The following ETFA variants were observed in gnomAD, a reference collection of about 807,000 sequenced individuals.
The protein encoded by ETFA is electron transfer flavoprotein subunit alpha, also known as electron transfer flavoprotein subunit alpha, mitochondrial.
ETFA carries 22 observed loss-of-function variants against 46.2 expected under a neutral mutation model. That is an observed-to-expected ratio of 0.48 (90% confidence interval 0.34 to 0.68). ETFA has a LOEUF of 0.68. Ranked by LOEUF, ETFA falls within the 30% of genes least tolerant of loss-of-function variation. The pLI is 0.01. For synonymous variants in ETFA, 131 were observed against 139.9 expected (o/e 0.94, Z 0.45); for missense variants, 345 against 401.1 (o/e 0.86, Z 1.19).
chr15:76,291,618 C>T (rs1166972531), intron 4 of ETFA, among the ~76,000 whole-genome samples: 1 of 151,610 alleles, frequency 6.6e-6, no homozygotes, highest in Non-Finnish European at 1.5e-5. Context: ...GGCGAGCTGG[C>T]GGGCGCCTGT....
Position 76,274,401 on chromosome 15 carries a change from G to A in ETFA, c.816+11C>T. The A allele has an allele frequency of 6.3e-7, 1 of 1,586,812 alleles. No individual in the cohort carries two copies. The highest frequency in any genetic ancestry group is 8.6e-7 in the Non-Finnish European group (1 of 1,158,894). Reference sequence around the variant, plus strand: ...AACATTTTACACAGCATATTTTATTGCAATACTTACTGGTGCTACTATTTT... The same window carrying A: ...AACATTTTACACAGCATATTTTATTACAATACTTACTGGTGCTACTATTTT... On this transcript the variant is annotated intron_variant, in intron 9 of 11. Coordinates refer to ENST00000557943, the MANE Select transcript of ETFA (RefSeq NM_000126.4).
At position 76,298,062 on chromosome 15, in the gene ETFA, A is replaced by T. The variant is rs28657630; in HGVS notation, c.40-2325T>A. On this transcript the variant is annotated intron_variant, in intron 1 of 11. Coordinates refer to ENST00000557943, the MANE Select transcript of ETFA (RefSeq NM_000126.4). ...GATTAGAGATTTTTTTTTTTTTTTGAGAGAGAGTCTTGCTCTGTTGCCCAG... is the reference window on the plus strand; with the variant it reads ...GATTAGAGATTTTTTTTTTTTTTTGTGAGAGAGTCTTGCTCTGTTGCCCAG... Among the ~76,000 whole-genome samples, 84 of 87,048 alleles carry T rather than the reference A, an allele frequency of 9.6e-4. No individual in the cohort carries two copies. In the East Asian group the frequency reaches 0.019, roughly 19 times the overall value. 57.1% of individuals were successfully genotyped at this position (87,048 alleles called of 152,430 possible). A position where few individuals can be genotyped will look rare whatever the true frequency, so the allele number is the denominator to read the frequency against.
chr15:76,236,426 A>G (rs544768289), intron 9 of ETFA, among the ~76,000 whole-genome samples: 4 of 152,372 alleles, frequency 2.6e-5, no homozygotes, highest in Admixed American at 2.6e-4. Context: ...CTTAGAGGTT[A>G]TCATACTGGG....
intron 9 of ETFA, among the ~76,000 whole-genome samples, chr15:76,246,911 TGTGTATGTACA>T (rs1484469370): frequency 2.0e-5 from 3 of 152,090 alleles, no homozygotes; most frequent in Non-Finnish European, 2.9e-5. Flanking sequence ...AAGATATGTC[TGTGTATGTACA>T]ACATCCAAGA....
At chr15:76,273,559 A>AAACAG (rs1341471056) in intron 9 of ETFA, among the ~76,000 whole-genome samples, 2 of 146,392 alleles carry the variant, frequency 1.4e-5, no homozygotes, top group East Asian at 1.9e-4. Context: ...ATCTCAAACA[A>AAACAG]AACAAAACAA....
At chr15:76,269,906 A>C (rs2039510967) in intron 9 of ETFA, among the ~76,000 whole-genome samples, 1 of 152,236 alleles carries the variant, frequency 6.6e-6, no homozygotes. Context: ...TCAATAATGA[A>C]AACAAGCAAT....
intron 9 of ETFA, among the ~76,000 whole-genome samples, chr15:76,244,508 T>C (rs2039226055): frequency 6.6e-6 from 1 of 152,202 alleles, no homozygotes; most frequent in South Asian, 2.1e-4. Flanking sequence ...CTTGTATCTT[T>C]GGCCTTGAGG....
rs746570363 is a variant in ETFA at position 76,292,682 on chromosome 15, T to C, written c.205A>G (p.Lys69Glu). The change falls in exon 3 of 12, where the codon AAA becomes GAA. Residue 69 changes from lysine (K) to glutamate (E), a missense_variant. Lys to Glu is a moderately conservative substitution (Grantham distance 56). Coordinates refer to ENST00000557943, the MANE Select transcript of ETFA (RefSeq NM_000126.4). The stretch of plus-strand genomic sequence containing the variant: ...AGAACTTTTGCTATGCCTGCTACTT[T>C]ACAGAGATCTTGTGCCACCTATGAT... Reference protein sequence around the residue: ...KCDKVAQDLCKVAGIAKVLVA... With the variant: ...KCDKVAQDLCEVAGIAKVLVA... 27 of 1,612,572 alleles carry C rather than the reference T, an allele frequency of 1.7e-5. No individual in the cohort carries two copies. Among genetic ancestry groups the C allele is most frequent in the Non-Finnish European group, 2.3e-5 (27 of 1,178,532 alleles).
intron 4 of ETFA, among the ~76,000 whole-genome samples, chr15:76,288,914 C>CTT (rs1459392805): frequency 1.8e-4 from 12 of 65,192 alleles, no homozygotes; most frequent in African/African-American, 3.4e-4. Flanking sequence ...TCTTCTTCTT[C>CTT]TTCTTCTTTT....
At chr15:76,296,654 A>C (rs1015857348) in intron 1 of ETFA, among the ~76,000 whole-genome samples, 4 of 152,252 alleles carry the variant, frequency 2.6e-5, no homozygotes, top group Non-Finnish European at 5.9e-5. Context: ...TGGATTCAAA[A>C]AAGGAAGCTT....
chr15:76,239,073 A>G (rs1242816319), intron 9 of ETFA, among the ~76,000 whole-genome samples: 1 of 152,232 alleles, frequency 6.6e-6, no homozygotes, highest in Non-Finnish European at 1.5e-5. Flanking sequence ...TGTACTGTCT[A>G]TGTTACGCCA....
chr15:76,242,683 G>T (rs1242176130), intron 9 of ETFA, among the ~76,000 whole-genome samples: 1 of 152,136 alleles, frequency 6.6e-6, no homozygotes, highest in East Asian at 1.9e-4. Flanking sequence ...TAAGCAAAAT[G>T]TTTACAGATG....
chr15:76,259,247 G>T (rs548603844), intron 9 of ETFA: 1 of 1,559,098 alleles, frequency 6.4e-7, no homozygotes, highest in East Asian at 2.2e-5. Flanking sequence ...CGATGTTGAT[G>T]TATAAGGGGT....
chr15:76,258,030 GA>G (rs1184400343), intron 9 of ETFA, among the ~76,000 whole-genome samples: 3 of 106,076 alleles, frequency 2.8e-5, no homozygotes, highest in East Asian at 3.5e-4. Flanking sequence ...GGGGTGGGGG[GA>G]GGGGGGGAGG....
chr15:76,246,328 G>T (rs976853758), intron 9 of ETFA, among the ~76,000 whole-genome samples: 13 of 152,294 alleles, frequency 8.5e-5, no homozygotes, highest in Non-Finnish European at 1.8e-4. Flanking sequence ...GCTGAATCCT[G>T]GCAACCTGGC....
At chr15:76,224,983 C>T (rs1214365486) in intron 11 of ETFA, among the ~76,000 whole-genome samples, 1 of 152,068 alleles carries the variant, frequency 6.6e-6, no homozygotes, top group Non-Finnish European at 1.5e-5. Flanking sequence ...AGAAGGAACA[C>T]TCAAAAGTGA....
intron 9 of ETFA, among the ~76,000 whole-genome samples, chr15:76,238,731 A>G (rs2141471041): frequency 6.6e-6 from 1 of 152,338 alleles, no homozygotes; most frequent in Middle Eastern, 3.4e-3. Context: ...CTGTGCATTA[A>G]TATTGCTATA....
intron 1 of ETFA, among the ~76,000 whole-genome samples, chr15:76,299,494 GC>G (rs1296374472): frequency 6.6e-6 from 1 of 152,064 alleles, no homozygotes; most frequent in Non-Finnish European, 1.5e-5. Context: ...TGTTGCCTGG[GC>G]TGGTCTTGAA....
rs569453464 is a variant in ETFA at position 76,267,225 on chromosome 15, T to A, written c.816+7187A>T. Among the ~76,000 whole-genome samples the A allele has an allele frequency of 2.0e-4, 31 of 152,360 alleles. No individual in the cohort carries two copies. In the East Asian group the frequency reaches 2.3e-3, roughly 11 times the overall value. ...AGGAGTTTATAGTTCAACAGGATGA[T>A]CTGGTTGAGTGGCTTTTTCTACCTC... On this transcript the variant is annotated intron_variant, in intron 9 of 11. Coordinates refer to ENST00000557943, the MANE Select transcript of ETFA (RefSeq NM_000126.4).
Sources: allele counts gnomAD v4.1 joint callset (sites outside exome capture counted in the v4.1 genomes callset), GRCh38; gene constraint gnomAD v4.1.1; transcripts MANE v1.5; gene names NCBI Gene and HGNC (gene_info 2026-07-23, HGNC 2026-07-21).